Variants in PARD3B observed in about 807,000 individuals in gnomAD.
PARD3B encodes partitioning defective 3 homolog B.
PARD3B carries 103 observed loss-of-function variants against 130.2 expected under a neutral mutation model. The observed-to-expected ratio is 0.79, with a 90% confidence interval of 0.67 to 0.93. PARD3B has a LOEUF of 0.93. PARD3B is among the 40% of genes least tolerant of loss of function. The probability of loss-of-function intolerance (pLI) is 0.00; values close to 1 mark genes in which losing one functional copy is unlikely to be tolerated. For missense variants in PARD3B, 1,609 were observed against 1,499.2 expected (o/e 1.07, Z -1.21); for synonymous variants, 583 against 553.2 (o/e 1.05, Z -0.76).
intron 2 of PARD3B, among the ~76,000 whole-genome samples, chr2:204,782,664 A>C (rs951155067): frequency 6.6e-6 from 1 of 151,818 alleles, no homozygotes; most frequent in Non-Finnish European, 1.5e-5. Context: ...GGACATTAAA[A>C]ACCAGCCATA....
chr2:205,126,585 CA>C (rs139718789), intron 10 of PARD3B, among the ~76,000 whole-genome samples: 25 of 144,446 alleles, frequency 1.7e-4, no homozygotes, highest in Admixed American at 2.8e-4. Flanking sequence ...ACTAAAAATA[CA>C]AAAAAAAAAA....
At chr2:204,926,332 C>T (rs1017412862) in intron 2 of PARD3B, among the ~76,000 whole-genome samples, 4 of 152,064 alleles carry the variant, frequency 2.6e-5, no homozygotes, top group Non-Finnish European at 5.9e-5. Context: ...TCTTAAAGTC[C>T]TTGACATCTG....
intron 3 of PARD3B, among the ~76,000 whole-genome samples, chr2:205,036,092 C>T (rs1575602258): frequency 6.9e-6 from 1 of 145,058 alleles, no homozygotes; most frequent in Non-Finnish European, 1.5e-5. Flanking sequence ...TTTCCAACAC[C>T]CACTGTGCAT....
chr2:204,883,291 A>G (rs1177264606), intron 2 of PARD3B, among the ~76,000 whole-genome samples: 2 of 149,928 alleles, frequency 1.3e-5, no homozygotes, highest in African/African-American at 4.9e-5. Flanking sequence ...TTTTCAAAGT[A>G]CTGTTGAGAC....
At chr2:205,426,267 C>CTAA (rs199632536) in intron 19 of PARD3B, among the ~76,000 whole-genome samples, 129 of 152,250 alleles carry the variant, frequency 8.5e-4, no homozygotes, top group Middle Eastern at 3.4e-3. Context: ...ACTACTACTA[C>CTAA]TAATAATAAT....
chr2:205,360,068 G>C (rs2044333589), intron 18 of PARD3B, among the ~76,000 whole-genome samples: 1 of 152,066 alleles, frequency 6.6e-6, no homozygotes, highest in African/African-American at 2.4e-5. Context: ...TCAATACTTG[G>C]TATTGTCTAC....
At chr2:205,323,612 G>C (rs2042834775) in intron 18 of PARD3B, among the ~76,000 whole-genome samples, 1 of 152,144 alleles carries the variant, frequency 6.6e-6, no homozygotes, top group Admixed American at 6.5e-5. Context: ...CCTGACAAGT[G>C]GCTGATGTTC....
chr2:205,498,410 G>A (rs1190890569), intron 20 of PARD3B, among the ~76,000 whole-genome samples: 1 of 151,944 alleles, frequency 6.6e-6, no homozygotes, highest in East Asian at 1.9e-4. Context: ...GCTGAGACAG[G>A]AGAATTGCTT....
chr2:205,100,616 G>A (rs751668968), intron 4 of PARD3B, among the ~76,000 whole-genome samples: 10 of 152,110 alleles, frequency 6.6e-5, no homozygotes, highest in African/African-American at 9.6e-5. Flanking sequence ...TGACTGTGTC[G>A]TACTGACATA....
chr2:205,531,693 C>A lies in PARD3B; in HGVS notation c.3181-21631C>A, dbSNP rs1373259541. Among the ~76,000 whole-genome samples, 3 of 151,886 alleles carry A rather than the reference C, an allele frequency of 2.0e-5. No homozygotes were observed. The South Asian group carries it at 6.2e-4, about 32-fold the overall frequency. On this transcript the variant is annotated intron_variant, in intron 21 of 22. Coordinates refer to ENST00000406610, the MANE Select transcript of PARD3B (RefSeq NM_001302769.2). ...AGACTGGATATGAAATGTCCTAACA[C>A]CACTCTCAGACCCCTGCTGCTTATA... is the stretch of plus-strand genomic sequence containing the variant.
intron 15 of PARD3B, among the ~76,000 whole-genome samples, chr2:205,243,963 A>G (rs2039463131): frequency 6.6e-6 from 1 of 152,216 alleles, no homozygotes; most frequent in Admixed American, 6.5e-5. Context: ...TTCTACTTAC[A>G]GTGTAGATTG....
intron 1 of PARD3B, among the ~76,000 whole-genome samples, chr2:204,553,112 A>G (rs931364336): frequency 1.3e-5 from 2 of 152,146 alleles, no homozygotes; most frequent in South Asian, 2.1e-4. Flanking sequence ...TGAATAGACA[A>G]TTCTCAAAAG....
chr2:204,868,943 G>T (rs938554390), intron 2 of PARD3B, among the ~76,000 whole-genome samples: 2 of 152,094 alleles, frequency 1.3e-5, no homozygotes, highest in Non-Finnish European at 2.9e-5. Context: ...GGAATCAGGT[G>T]TTATACTTAT....
At chr2:205,514,283 G>T (rs2050702743) in intron 21 of PARD3B, among the ~76,000 whole-genome samples, 1 of 151,994 alleles carries the variant, frequency 6.6e-6, no homozygotes, top group African/African-American at 2.4e-5. Flanking sequence ...AGTCAAGGTG[G>T]GTATTGGTAC....
At chr2:205,237,062 T>C (rs1340159784) in intron 15 of PARD3B, among the ~76,000 whole-genome samples, 1 of 152,144 alleles carries the variant, frequency 6.6e-6, no homozygotes, top group Admixed American at 6.5e-5. Context: ...AACACAGTGG[T>C]TGATACACAG....
chr2:205,318,203 G>T (rs1425134218), intron 18 of PARD3B, among the ~76,000 whole-genome samples: 1 of 152,130 alleles, frequency 6.6e-6, no homozygotes, highest in Admixed American at 6.5e-5. Flanking sequence ...TCTAGTCAAT[G>T]TATAGTAAAA....
intron 3 of PARD3B, among the ~76,000 whole-genome samples, chr2:205,002,424 G>A (rs1331869404): frequency 2.0e-5 from 3 of 152,024 alleles, no homozygotes; most frequent in Admixed American, 1.3e-4. Context: ...CTTCCTCTGC[G>A]ACTGACATCT....
intron 16 of PARD3B, among the ~76,000 whole-genome samples, chr2:205,278,874 A>G (rs1384681146): frequency 6.6e-6 from 1 of 152,016 alleles, no homozygotes; most frequent in African/African-American, 2.4e-5. Flanking sequence ...GTTCGAGACC[A>G]GGTTGACCAA....
intron 2 of PARD3B, among the ~76,000 whole-genome samples, chr2:204,923,564 A>G (rs2047764127): frequency 1.3e-5 from 2 of 152,102 alleles, no homozygotes; most frequent in Admixed American, 1.3e-4. Flanking sequence ...TATACAATAT[A>G]TTAAAATTTC....
Sources: gnomAD v4.1 joint callset for allele counts (sites outside exome capture counted in the v4.1 genomes callset) on GRCh38, gnomAD v4.1.1 for gene constraint, MANE v1.5 for transcripts, NCBI Gene and HGNC (gene_info 2026-07-23, HGNC 2026-07-21) for gene names.